The following TRABD2B variants were observed in gnomAD, a reference collection of about 807,000 sequenced individuals.
TRABD2B encodes the protein TraB domain containing 2B.
In TRABD2B, 14 loss-of-function variants were observed where a neutral mutation model predicts 40.1. The observed-to-expected ratio is 0.35, with a 90% CI of 0.23 to 0.55. The LOEUF (loss-of-function observed/expected upper bound fraction) is 0.55, where lower values mean the gene tolerates loss of function less well. TRABD2B is among the 20% of genes least tolerant of loss of function. The probability of loss-of-function intolerance (pLI) is 0.90; values close to 1 mark genes in which losing one functional copy is unlikely to be tolerated. For missense variants in TRABD2B, 541 were observed against 648.6 expected, an observed-to-expected ratio of 0.83 and a Z score of 1.80; for synonymous variants, 263 against 277.0, an observed-to-expected ratio of 0.95 and a Z score of 0.50.
At chr1:47,992,269 C>A (rs960749852) in intron 2 of TRABD2B, among the ~76,000 whole-genome samples, 1 of 152,240 alleles carries the variant, frequency 6.6e-6, no homozygotes, top group Non-Finnish European at 1.5e-5. Flanking sequence ...CCCTCCCGGC[C>A]GATGAATGGC....
At chr1:47,844,174 G>A (rs548754186) in intron 2 of TRABD2B, among the ~76,000 whole-genome samples, 10 of 152,290 alleles carry the variant, frequency 6.6e-5, no homozygotes, top group South Asian at 2.1e-4. Context: ...CAATAACACC[G>A]TGCTGACCAC....
At chr1:47,799,284 T>C (rs1408722587) in intron 3 of TRABD2B, among the ~76,000 whole-genome samples, 1 of 152,154 alleles carries the variant, frequency 6.6e-6, no homozygotes, top group Non-Finnish European at 1.5e-5. Context: ...CAGAGCTCCC[T>C]GGCTGCTCAG....
chr1:47,798,842 C>T (rs1048186299), intron 3 of TRABD2B, among the ~76,000 whole-genome samples: 1 of 152,174 alleles, frequency 6.6e-6, no homozygotes. Flanking sequence ...GCTACAGACA[C>T]AGCCCCACCT....
chr1:47,957,056 C>A (rs1028318363), intron 2 of TRABD2B, among the ~76,000 whole-genome samples: 1 of 152,220 alleles, frequency 6.6e-6, no homozygotes, highest in East Asian at 1.9e-4. Flanking sequence ...GCAAGATATG[C>A]TGTTCTGTAG....
chr1:47,810,741 G>C (rs752023554), intron 2 of TRABD2B, among the ~76,000 whole-genome samples: 2 of 152,206 alleles, frequency 1.3e-5, no homozygotes, highest in Non-Finnish European at 2.9e-5. Flanking sequence ...GCAGGGGGAA[G>C]CTTACCTGTC....
chr1:47,856,828 G>C (rs755843253), intron 2 of TRABD2B, among the ~76,000 whole-genome samples: 2 of 152,198 alleles, frequency 1.3e-5, no homozygotes, highest in Non-Finnish European at 2.9e-5. Flanking sequence ...CTTGATAAAT[G>C]ATGAGGCCTG....
rs1049158864 is a variant in TRABD2B at position 47,977,135 on chromosome 1, C to T, written c.666+16899G>A. Among the ~76,000 whole-genome samples, 6 of 148,764 alleles carry T rather than the reference C, an allele frequency of 4.0e-5. No individual in the cohort carries two copies. In the East Asian group the frequency reaches 7.9e-4, roughly 20 times the overall value. On this transcript the variant is annotated intron_variant, in intron 2 of 6. Coordinates refer to ENST00000606738, the MANE Select transcript of TRABD2B (RefSeq NM_001194986.2). ...TTGCTCAGGCTGGAGTGCAGTGGTGCGATCTTGGCTCACTGCAACCTCTGC... is the reference window on the plus strand; with the variant it reads ...TTGCTCAGGCTGGAGTGCAGTGGTGTGATCTTGGCTCACTGCAACCTCTGC...
chr1:47,977,247 T>A (rs367880282), intron 2 of TRABD2B, among the ~76,000 whole-genome samples: 1 of 152,058 alleles, frequency 6.6e-6, no homozygotes, highest in African/African-American at 2.4e-5. Context: ...GCTAATTTTT[T>A]AAATCTGTAG....
At chr1:47,769,212 CAAG>C (rs948799866) in intron 6 of TRABD2B, among the ~76,000 whole-genome samples, 2 of 152,130 alleles carry the variant, frequency 1.3e-5, no homozygotes, top group African/African-American at 4.8e-5. Flanking sequence ...ATACAAAACA[CAAG>C]AAGTCCATAA....
In TRABD2B at chr1:47,985,109, G is replaced by A. The variant is rs140601837; in HGVS notation, c.666+8925C>T. 1.3e-3 allele frequency among the ~76,000 whole-genome samples: 199 copies of A among 152,344 alleles called. 2 individuals are homozygous for A. Among genetic ancestry groups the A allele is most frequent in the Non-Finnish European group, 2.5e-3 (170 of 68,036 alleles). On this transcript the variant is annotated intron_variant, in intron 2 of 6. Transcript: ENST00000606738. The stretch of plus-strand genomic sequence containing the variant: ...CACAGCAATCCTATACAGTTGACAT[G>A]AGAAAACTGACGCACAGACAGCTTA...
chr1:47,956,667 C>T (rs574928498), intron 2 of TRABD2B, among the ~76,000 whole-genome samples: 177 of 152,312 alleles, frequency 1.2e-3, no homozygotes, highest in African/African-American at 3.9e-3. Context: ...GAGGGGCGCC[C>T]GCCATTGCTG....
At chr1:47,791,053 C>G (rs1557569513) in intron 4 of TRABD2B, among the ~76,000 whole-genome samples, 1 of 152,228 alleles carries the variant, frequency 6.6e-6, no homozygotes, top group African/African-American at 2.4e-5. Flanking sequence ...CTGAAGCCCC[C>G]TCAGAGCAGA....
At chr1:47,808,709 G>A (rs1188664104) in intron 2 of TRABD2B, among the ~76,000 whole-genome samples, 1 of 152,134 alleles carries the variant, frequency 6.6e-6, no homozygotes, top group African/African-American at 2.4e-5. Context: ...ACTTGCATAA[G>A]GTCCCACATT....
chr1:47,993,528 G>T (rs1398912619), intron 2 of TRABD2B, among the ~76,000 whole-genome samples: 1 of 152,182 alleles, frequency 6.6e-6, no homozygotes, highest in Non-Finnish European at 1.5e-5. Flanking sequence ...GAAACTGATG[G>T]TGCTTAACCT....
At chr1:47,950,076 GAGAT>G in intron 2 of TRABD2B, among the ~76,000 whole-genome samples, 1 of 152,110 alleles carries the variant, frequency 6.6e-6, no homozygotes, top group Non-Finnish European at 1.5e-5. Context: ...ACGAGGTCAG[GAGAT>G]CGAGACCATC....
intron 2 of TRABD2B, among the ~76,000 whole-genome samples, chr1:47,929,719 C>T (rs993097651): frequency 7.9e-5 from 12 of 152,136 alleles, no homozygotes; most frequent in Admixed American, 2.0e-4. Flanking sequence ...GGTGCTCATG[C>T]GCATTTGCTG....
chr1:47,922,930 C>T (rs1250055794), intron 2 of TRABD2B, among the ~76,000 whole-genome samples: 1 of 152,224 alleles, frequency 6.6e-6, no homozygotes, highest in African/African-American at 2.4e-5. Context: ...AGTGAAAGAT[C>T]CTGAATGGCC....
intron 2 of TRABD2B, among the ~76,000 whole-genome samples, chr1:47,945,079 TG>T (rs1296803468): frequency 6.6e-6 from 1 of 152,110 alleles, no homozygotes; most frequent in Non-Finnish European, 1.5e-5. Flanking sequence ...CCAAGGGCTG[TG>T]TATGCCACGG....
chr1:47,817,495 C>T (rs953988547), intron 2 of TRABD2B, among the ~76,000 whole-genome samples: 1 of 152,140 alleles, frequency 6.6e-6, no homozygotes, highest in Non-Finnish European at 1.5e-5. Flanking sequence ...GGGGAACATG[C>T]CTCAGCTACA....
Sources: gnomAD v4.1 joint callset for allele counts (sites outside exome capture counted in the v4.1 genomes callset) on GRCh38, gnomAD v4.1.1 for gene constraint, MANE v1.5 for transcripts, NCBI Gene and HGNC (gene_info 2026-07-23, HGNC 2026-07-21) for gene names.